Variants in MICAL3 observed in about 807,000 individuals in gnomAD.
The protein encoded by MICAL3 is microtubule associated monooxygenase, calponin and LIM domain containing 3, also known as [F-actin]-monooxygenase MICAL3.
Under a neutral mutation model 207.4 loss-of-function variants are expected in MICAL3, and 62 were observed. The observed-to-expected ratio is 0.30, with a 90% CI of 0.24 to 0.37. MICAL3 has a LOEUF of 0.37. Among genes scored for constraint, MICAL3 ranks in the 10% least tolerant of loss-of-function variants. The pLI, the probability that MICAL3 is intolerant of heterozygous loss-of-function variation, is 1.00. For synonymous variants in MICAL3, 1,077 were observed against 1,069.3 expected, an observed-to-expected ratio of 1.01 and a Z score of -0.14; for missense variants, 2,368 against 2,635.6, an observed-to-expected ratio of 0.90 and a Z score of 2.22.
intron 1 of MICAL3, among the ~76,000 whole-genome samples, chr22:17,946,364 C>G (rs78966132): frequency 0.014 from 2,065 of 152,338 alleles, 48 homozygotes; most frequent in African/African-American, 0.047. Flanking sequence ...CTGCCTGCAA[C>G]CAGGACACCG....
At chr22:17,819,279 A>T in intron 25 of MICAL3, 150 bp from the exon 26 acceptor site, 1 of 783,712 alleles carries the variant, frequency 1.3e-6, no homozygotes, top group Non-Finnish European at 1.8e-6. Context: ...CAGCTCCAGG[A>T]AAACCCTTTC....
chr22:17,810,693 ATGGTTTTACC>A lies in MICAL3; in HGVS notation c.5556_5556+9del. 1 of 1,611,744 alleles carries A rather than the reference ATGGTTTTACC, an allele frequency of 6.2e-7. No homozygotes were observed. Among genetic ancestry groups the A allele is most frequent in the South Asian group, 1.1e-5 (1 of 91,024 alleles). ...TGCATGTGCCCTGGTCCCATCCTCC[ATGGTTTTACC>A]TGGGCTCGATGCAGCCGCTTAAGCT... On this transcript the variant is annotated splice_donor_variant and splice_donor_5th_base_variant and coding_sequence_variant and intron_variant, in exon 28 of 32. Transcript: ENST00000441493. LOFTEE classifies it high-confidence loss of function.
chr22:17,841,956 C>T lies in MICAL3; in HGVS notation c.2667G>A (p.Glu889=). 6.2e-7 allele frequency: 1 copy of T among 1,607,134 alleles called. No homozygotes were observed. Among genetic ancestry groups the T allele is most frequent in the Non-Finnish European group, 8.5e-7 (1 of 1,178,956 alleles). ...GGCGGTAGTTCTCCAGCTCGATCCG[C>T]TCTGGGGTGCCCCTCAGTCGCTTGG... ...SIAKRLRGTP[E]RIELENYRLS... Residue 889 remains glutamate (E), a synonymous_variant, in exon 20 of 32, where the codon GAG becomes GAA. Transcript: ENST00000441493. This position sits in a 1 kb window ranked among gnomAD's most constrained non-coding sequence, Gnocchi z 4.2.
chr22:17,857,300 A>C (rs1290076755), intron 19 of MICAL3, among the ~76,000 whole-genome samples: 1 of 152,168 alleles, frequency 6.6e-6, no homozygotes, highest in Non-Finnish European at 1.5e-5. Context: ...AGATTCTCCC[A>C]GGAGCGGGAA....
rs571294487 is a variant in MICAL3 at position 17,850,047 on chromosome 22, C to T, written c.2606-8030G>A. On this transcript the variant is annotated intron_variant, in intron 19 of 31. Coordinates refer to ENST00000441493, the MANE Select transcript of MICAL3 (RefSeq NM_015241.3). ...ATGAACTATTCTTCATTTGGGGTAA[C>T]TTTACTTGTATGTCGGGGCACTGAG... Among the ~76,000 whole-genome samples the T allele has an allele frequency of 6.6e-5, 10 of 152,186 alleles. 1 individual carries two copies. The highest frequency in any genetic ancestry group is 2.2e-4 in the African/African-American group (9 of 41,530).
At chr22:17,859,806 T>C (rs1926320181) in intron 19 of MICAL3, among the ~76,000 whole-genome samples, 4 of 152,290 alleles carry the variant, frequency 2.6e-5, no homozygotes, top group Non-Finnish European at 4.4e-5. Context: ...AGGCTCTGTG[T>C]GGCATTTCTA....
rs1468918152 is a variant in MICAL3 at position 18,009,123 on chromosome 22, A to C, written c.-75+15158T>G. Among the ~76,000 whole-genome samples the C allele has an allele frequency of 2.1e-5, 3 of 144,670 alleles. No individual in the cohort carries two copies. The East Asian group carries it at 6.2e-4, about 30-fold the overall frequency. 94.9% of individuals were successfully genotyped at this position (144,670 alleles called of 152,430 possible). Reference sequence around the variant, plus strand: ...GACTATGCAGAAGAAATCTCTAGTTACCAAGGCACTGCAAAATAAAGTCTA... The same window carrying C: ...GACTATGCAGAAGAAATCTCTAGTTCCCAAGGCACTGCAAAATAAAGTCTA... On this transcript the variant is annotated intron_variant, in intron 1 of 31. Coordinates refer to ENST00000441493, the MANE Select transcript of MICAL3 (RefSeq NM_015241.3).
intron 1 of MICAL3, among the ~76,000 whole-genome samples, chr22:17,998,542 A>T (rs1403029152): frequency 3.6e-5 from 5 of 139,134 alleles, no homozygotes. Context: ...CATAATAATA[A>T]TAATAATTAT....
intron 1 of MICAL3, among the ~76,000 whole-genome samples, chr22:17,954,234 G>A (rs1424590395): frequency 1.3e-5 from 2 of 152,144 alleles, no homozygotes; most frequent in Non-Finnish European, 2.9e-5. Flanking sequence ...ATACAGTAAG[G>A]AAGCACCACT....
chr22:17,968,750 G>A (rs924307255), intron 1 of MICAL3, among the ~76,000 whole-genome samples: 4 of 152,156 alleles, frequency 2.6e-5, no homozygotes, highest in African/African-American at 4.8e-5. Context: ...ACAGTTTGAC[G>A]TAGGATATAT....
intron 28 of MICAL3, among the ~76,000 whole-genome samples, chr22:17,809,714 T>C (rs909300677): frequency 1.3e-5 from 2 of 152,174 alleles, no homozygotes; most frequent in African/African-American, 4.8e-5. Flanking sequence ...AGCTGGAGAA[T>C]GGGAGGAGAG....
chr22:17,871,587 C>T (rs533808764), intron 17 of MICAL3, among the ~76,000 whole-genome samples: 2 of 152,288 alleles, frequency 1.3e-5, no homozygotes, highest in East Asian at 3.9e-4. Flanking sequence ...AGTAAGTGTC[C>T]CTGAAGTCAG....
chr22:17,875,398 A>C (rs2146179061), intron 16 of MICAL3: 2 of 1,204,906 alleles, frequency 1.7e-6, no homozygotes, highest in East Asian at 5.7e-5. Flanking sequence ...AAGTGACGTG[A>C]GTGGAGGCTG....
chr22:17,897,879 T>C (rs1180342611), intron 7 of MICAL3, among the ~76,000 whole-genome samples: 1 of 152,208 alleles, frequency 6.6e-6, no homozygotes, highest in Admixed American at 6.5e-5. Flanking sequence ...GAAAAACTCC[T>C]TTTCTGTTTT....
At chr22:17,935,563 G>A (rs1933476372) in intron 1 of MICAL3, among the ~76,000 whole-genome samples, 1 of 152,140 alleles carries the variant, frequency 6.6e-6, no homozygotes, top group African/African-American at 2.4e-5. Flanking sequence ...GGCAACAAAA[G>A]CCAAAATAGA....
At chr22:17,811,913 T>A (rs888512250) in intron 27 of MICAL3, among the ~76,000 whole-genome samples, 5 of 151,998 alleles carry the variant, frequency 3.3e-5, no homozygotes, top group African/African-American at 4.8e-5. Flanking sequence ...CCCGGACAAT[T>A]AAAACAATTT....
intron 1 of MICAL3, among the ~76,000 whole-genome samples, chr22:17,979,819 T>G (rs2146433991): frequency 6.6e-6 from 1 of 151,740 alleles, no homozygotes; most frequent in East Asian, 1.9e-4. Flanking sequence ...CAGGTTTTTT[T>G]GTTGTTGTTT....
At chr22:17,907,003 T>A in intron 1 of MICAL3, 117 bp from the exon 2 acceptor site, 1 of 554,928 alleles carries the variant, frequency 1.8e-6, no homozygotes, top group Non-Finnish European at 3.1e-6. Flanking sequence ...TCCATAAGTG[T>A]GGACTGCACA....
chr22:17,862,422 G>A (rs1439613923), intron 19 of MICAL3: 1 of 473,716 alleles, frequency 2.1e-6, no homozygotes, highest in Non-Finnish European at 2.8e-6. Context: ...ACCACACCCG[G>A]CTAATTTTTT....
Sources: allele counts gnomAD v4.1 joint callset (sites outside exome capture counted in the v4.1 genomes callset), GRCh38; gene constraint gnomAD v4.1.1; non-coding constraint Gnocchi (gnomAD v3.1); transcripts MANE v1.5; gene names NCBI Gene and HGNC (gene_info 2026-07-23, HGNC 2026-07-21).